TMCC1: variants seen among roughly 807,000 people sequenced by gnomAD.
TMCC1 encodes the protein transmembrane and coiled-coil domain family 1, also known as transmembrane and coiled-coil domains protein 1.
Under a neutral mutation model 52.4 loss-of-function variants are expected in TMCC1, and 15 were observed. That is an observed-to-expected ratio of 0.29 (90% CI 0.19 to 0.44). The LOEUF (loss-of-function observed/expected upper bound fraction) is 0.44, where lower values mean the gene tolerates loss of function less well. Among genes scored for constraint, TMCC1 ranks in the 20% least tolerant of loss-of-function variants. The pLI, the probability that TMCC1 is intolerant of heterozygous loss-of-function variation, is 1.00. For missense variants in TMCC1, 503 were observed against 806.0 expected, an observed-to-expected ratio of 0.62 and a Z score of 4.55; for synonymous variants, 279 against 301.9, an observed-to-expected ratio of 0.92 and a Z score of 0.79.
intron 4 of TMCC1, among the ~76,000 whole-genome samples, chr3:129,693,995 G>T (rs965916543): frequency 2.6e-5 from 4 of 152,136 alleles, no homozygotes; most frequent in African/African-American, 9.7e-5. Context: ...AACAATAGTT[G>T]ACTTGATATA....
intron 2 of TMCC1, among the ~76,000 whole-genome samples, chr3:129,838,934 T>C (rs1030741317): frequency 1.3e-5 from 2 of 152,024 alleles, no homozygotes. Context: ...GTGACAACTT[T>C]AAAGTGCTGA....
rs568472995 is a variant in TMCC1, at chr3:129,772,085, G to T, written c.576+55718C>A. 2.6e-5 allele frequency among the ~76,000 whole-genome samples: 4 copies of T among 152,284 alleles called. No homozygotes were observed. The East Asian group carries it at 7.7e-4, about 29-fold the overall frequency. On this transcript the variant is annotated intron_variant, in intron 4 of 6. Transcript: ENST00000393238. The stretch of plus-strand genomic sequence containing the variant: ...CTAAAATAAAAAACTTTGGCCAGGT[G>T]TGGCAGTCCACACCTGTAATCCCAC...
intron 4 of TMCC1, among the ~76,000 whole-genome samples, chr3:129,772,917 A>G (rs1012902115): frequency 6.6e-6 from 1 of 152,134 alleles, no homozygotes; most frequent in Admixed American, 6.5e-5. Context: ...GTGAGAAAAT[A>G]ACACTCTCAG....
chr3:129,789,337 C>T (rs913754910), intron 4 of TMCC1, among the ~76,000 whole-genome samples: 1 of 152,104 alleles, frequency 6.6e-6, no homozygotes, highest in African/African-American at 2.4e-5. Context: ...TCTCTATTTA[C>T]TTTTAAAAAG....
Position 129,893,537 on chromosome 3 carries a change from C to T in TMCC1, c.-478G>A, listed in dbSNP as rs947061927. 1.3e-5 allele frequency: 2 copies of T among 152,376 alleles called. No homozygotes were observed. Among genetic ancestry groups the T allele is most frequent in the African/African-American group, 4.8e-5 (2 of 41,382 alleles). The allele number at this position is 152,376 out of a possible 1,614,324, so 9.4% of individuals were successfully genotyped here. A position where few individuals can be genotyped will look rare whatever the true frequency, so the allele number is the denominator to read the frequency against. ...CAGCCGGCGTCTCCGCCAGCGCCGT[C>T]GCTCGAGCTCAAGCGCCTGCTCCTT... On this transcript the variant is annotated 5_prime_UTR_variant, in exon 1 of 7. Coordinates refer to ENST00000393238, the MANE Select transcript of TMCC1 (RefSeq NM_001017395.5).
At chr3:129,708,584 A>C (rs1282627513) in intron 4 of TMCC1, among the ~76,000 whole-genome samples, 1 of 152,234 alleles carries the variant, frequency 6.6e-6, no homozygotes, top group Non-Finnish European at 1.5e-5. Context: ...CTGTTGCTCA[A>C]AATTTTAATT....
chr3:129,786,657 G>A (rs762225840), intron 4 of TMCC1, among the ~76,000 whole-genome samples: 9 of 152,060 alleles, frequency 5.9e-5, no homozygotes, highest in Admixed American at 1.3e-4. Flanking sequence ...AAAAGCTCAC[G>A]TTAGCATTTT....
intron 4 of TMCC1, among the ~76,000 whole-genome samples, chr3:129,745,101 A>T (rs375250662): frequency 4.6e-5 from 7 of 152,356 alleles, no homozygotes; most frequent in African/African-American, 1.7e-4. Context: ...CTGCACTGTC[A>T]TGTGCTAAAT....
intron 5 of TMCC1, among the ~76,000 whole-genome samples, chr3:129,657,884 G>C (rs562318407): frequency 6.6e-6 from 1 of 152,282 alleles, no homozygotes; most frequent in South Asian, 2.1e-4. Context: ...TTATGACTCA[G>C]CAATTCTACC....
chr3:129,758,192 A>G (rs1000859642), intron 4 of TMCC1, among the ~76,000 whole-genome samples: 6 of 152,218 alleles, frequency 3.9e-5, no homozygotes, highest in African/African-American at 1.4e-4. Flanking sequence ...TGGATAAACA[A>G]TAAGTAAATG....
chr3:129,792,205 CAT>C (rs1220101887), intron 4 of TMCC1, among the ~76,000 whole-genome samples: 1 of 150,158 alleles, frequency 6.7e-6, no homozygotes, highest in African/African-American at 2.4e-5. Flanking sequence ...TATATATACA[CAT>C]ATATATATCT....
chr3:129,847,887 A>C (rs1257424634), intron 2 of TMCC1: 1 of 152,170 alleles, frequency 6.6e-6, no homozygotes, highest in Non-Finnish European at 1.5e-5. Flanking sequence ...GTGGTATCTC[A>C]TTATGGTTTA....
At chr3:129,855,384 G>C (rs902270938) in intron 2 of TMCC1, among the ~76,000 whole-genome samples, 3 of 151,654 alleles carry the variant, frequency 2.0e-5, no homozygotes, top group Non-Finnish European at 2.9e-5. Flanking sequence ...TGTTTGTCTT[G>C]AAATCTGAAC....
intron 4 of TMCC1, among the ~76,000 whole-genome samples, chr3:129,791,713 A>T (rs960901598): frequency 6.6e-6 from 1 of 152,192 alleles, no homozygotes; most frequent in African/African-American, 2.4e-5. Context: ...CTAAAATGGC[A>T]AGGAAAATTG....
At chr3:129,760,402 GTGT>G (rs2053436526) in intron 4 of TMCC1, among the ~76,000 whole-genome samples, 1 of 4,136 alleles carries the variant, frequency 2.4e-4, no homozygotes, top group Admixed American at 2.2e-3. Context: ...CGCCAGGCTA[GTGT>G]GTGTGTGTGT....
chr3:129,867,619 G>C (rs773064816), intron 2 of TMCC1, among the ~76,000 whole-genome samples: 53 of 152,280 alleles, frequency 3.5e-4, no homozygotes, highest in Middle Eastern at 6.8e-3. Context: ...AAAATCTAAT[G>C]TAACTCTACC....
At chr3:129,819,892 C>T (rs1161949712) in intron 4 of TMCC1, 1 of 151,678 alleles carries the variant, frequency 6.6e-6, no homozygotes, top group Non-Finnish European at 1.5e-5. Context: ...ACGTTGGGGT[C>T]CTTAGTGAAT....
At chr3:129,854,617 C>T (rs893539546) in intron 2 of TMCC1, among the ~76,000 whole-genome samples, 1 of 152,084 alleles carries the variant, frequency 6.6e-6, no homozygotes, top group African/African-American at 2.4e-5. Flanking sequence ...TCCTTCATTT[C>T]ACCATTCTCC....
At chr3:129,714,542 A>G (rs975585153) in intron 4 of TMCC1, among the ~76,000 whole-genome samples, 2 of 152,228 alleles carry the variant, frequency 1.3e-5, no homozygotes, top group Non-Finnish European at 2.9e-5. Flanking sequence ...CCCATTTGGT[A>G]TATAATATGA....
Sources: allele counts gnomAD v4.1 joint callset (sites outside exome capture counted in the v4.1 genomes callset), GRCh38; gene constraint gnomAD v4.1.1; transcripts MANE v1.5; gene names NCBI Gene and HGNC (gene_info 2026-07-23, HGNC 2026-07-21).